PCDHGA9: variants seen among roughly 807,000 people sequenced by gnomAD.
The protein encoded by PCDHGA9 is protocadherin gamma subfamily A, 9.
PCDHGA9 carries 37 observed loss-of-function variants against 62.5 expected under a neutral mutation model. The observed-to-expected ratio is 0.59, with a 90% confidence interval of 0.46 to 0.78. The LOEUF (loss-of-function observed/expected upper bound fraction) is 0.78. PCDHGA9 is among the 30% of genes least tolerant of loss of function. PCDHGA9 has a pLI of 0.00. For missense variants in PCDHGA9, 1,138 were observed against 1,166.2 expected (o/e 0.98, Z 0.35); for synonymous variants, 459 against 484.6 (o/e 0.95, Z 0.69).
At chr5:141,424,945 C>A (rs2096849463) in intron 1 of PCDHGA9, among the ~76,000 whole-genome samples, 1 of 152,186 alleles carries the variant, frequency 6.6e-6, no homozygotes, top group Admixed American at 6.5e-5. Flanking sequence ...TCTCACATCA[C>A]TTCTAGGTAT....
rs765743251 is a variant in PCDHGA9 at position 141,476,488 on chromosome 5, G to A, written c.2425-18319G>A. ...TGGAGCTGTTCAGCGTGGAAGTGGTGATCCAGGACATCAACGACAACAATC... is the reference window on the plus strand; with the variant it reads ...TGGAGCTGTTCAGCGTGGAAGTGGTAATCCAGGACATCAACGACAACAATC... On this transcript the variant is annotated intron_variant, in intron 1 of 3. Coordinates refer to ENST00000573521, the MANE Select transcript of PCDHGA9 (RefSeq NM_018921.3). This position sits in a 1 kb window ranked among gnomAD's most constrained non-coding sequence, Gnocchi z 7.6. 4 of 1,613,932 alleles carry A rather than the reference G, an allele frequency of 2.5e-6. No homozygotes were observed. Among genetic ancestry groups the A allele is most frequent in the Non-Finnish European group, 3.4e-6 (4 of 1,180,016 alleles).
chr5:141,477,007 A>C lies in PCDHGA9; in HGVS notation c.2425-17800A>C, dbSNP rs891158982. The C allele has an allele frequency of 1.9e-6, 3 of 1,614,258 alleles. No individual in the cohort carries two copies. The Admixed American group carries it at 5.0e-5, about 27-fold the overall frequency. ...CCGGCGTGCGGCAACTATTCGCCTT[A>C]GACCTTGTAACCGGGATGCTGACAA... On this transcript the variant is annotated intron_variant, in intron 1 of 3. Coordinates refer to ENST00000573521, the MANE Select transcript of PCDHGA9 (RefSeq NM_018921.3). This position sits in a 1 kb window ranked among gnomAD's most constrained non-coding sequence, Gnocchi z 4.9.
chr5:141,405,459 A>G (rs553327050), intron 1 of PCDHGA9, 83 bp downstream of exon 1: 1 of 1,229,452 alleles, frequency 8.1e-7, no homozygotes, highest in African/African-American at 1.5e-5. Context: ...TTACTCTGTT[A>G]CCCAGGCTGG....
intron 1 of PCDHGA9, chr5:141,423,074 G>T (rs2096705802): frequency 6.2e-7 from 1 of 1,614,006 alleles, no homozygotes; most frequent in African/African-American, 1.3e-5. Flanking sequence ...AGCGAGCCGG[G>T]ACTCTTCGCG....
chr5:141,418,572 AC>A lies in PCDHGA9; in HGVS notation c.2424+13202del, dbSNP rs752316020. 8.1e-6 allele frequency: 13 copies of A among 1,613,794 alleles called. 1 individual carries two copies. The Admixed American group carries it at 1.8e-4, about 23-fold the overall frequency. ...ATCCTGGTAATAGATGCCAATGACA[AC>A]CCCCCAGTGTTCAGCCAGGACGTGT... On this transcript the variant is annotated intron_variant, in intron 1 of 3. Transcript: ENST00000573521.
chr5:141,433,054 G>A, intron 1 of PCDHGA9: 2 of 1,614,196 alleles, frequency 1.2e-6, no homozygotes, highest in Non-Finnish European at 1.7e-6. Context: ...ACTCGCGGAA[G>A]AGTCACCTGA....
At chr5:141,443,662 C>A (rs1427397469) in intron 1 of PCDHGA9, among the ~76,000 whole-genome samples, 2 of 152,178 alleles carry the variant, frequency 1.3e-5, no homozygotes, top group African/African-American at 4.8e-5. Context: ...TAGCATTTTA[C>A]TGAACTAGTA....
intron 1 of PCDHGA9, chr5:141,410,848 T>TA: frequency 1.9e-5 from 7 of 365,918 alleles, no homozygotes; most frequent in Non-Finnish European, 3.2e-5. Context: ...TTTGTCTTTG[T>TA]CTTTTTTTTT....
chr5:141,427,428 T>C (rs1489623330), intron 1 of PCDHGA9: 3 of 470,472 alleles, frequency 6.4e-6, no homozygotes, highest in Admixed American at 4.7e-5. Context: ...GGAGGTTACA[T>C]GCCTCATAAA....
In PCDHGA9 at chr5:141,405,379, G is replaced by T; in HGVS notation, c.2424+3G>T. On this transcript the variant is annotated splice_donor_region_variant and intron_variant, in intron 1 of 3. Transcript: ENST00000573521. ...TAGAAGACACCCCTTTGGTTCCGGT[G>T]AGTTCATTTTTTTTCTTTCTTTCTT... 1.2e-6 allele frequency: 2 copies of T among 1,606,832 alleles called. No homozygotes were observed. Among genetic ancestry groups the T allele is most frequent in the Non-Finnish European group, 1.7e-6 (2 of 1,177,632 alleles).
At chr5:141,459,703 T>G (rs2098973426) in intron 1 of PCDHGA9, among the ~76,000 whole-genome samples, 1 of 152,226 alleles carries the variant, frequency 6.6e-6, no homozygotes, top group African/African-American at 2.4e-5. Context: ...CTTGCTACAT[T>G]TTCTCACCAA....
chr5:141,443,207 C>T (rs907169095), intron 1 of PCDHGA9, among the ~76,000 whole-genome samples: 5 of 152,064 alleles, frequency 3.3e-5, no homozygotes, highest in African/African-American at 1.2e-4. Context: ...AAGAGCTTGT[C>T]TCGCCAGGCG....
intron 1 of PCDHGA9, among the ~76,000 whole-genome samples, chr5:141,430,213 A>G (rs892801149): frequency 6.6e-6 from 1 of 151,106 alleles, no homozygotes; most frequent in Non-Finnish European, 1.5e-5. Context: ...AAATTATTAT[A>G]TTATATGATT....
Position 141,491,726 on chromosome 5 carries a change from C to A in PCDHGA9, c.2425-3081C>A, listed in dbSNP as rs1018940432. ...GTGAGGGGCTCGGCGCCGCCCCGGG[C>A]GACCCCTGGGGGCGGCACTGGAGAA... On this transcript the variant is annotated intron_variant, in intron 1 of 3. Coordinates refer to ENST00000573521, the MANE Select transcript of PCDHGA9 (RefSeq NM_018921.3). This position sits in a 1 kb window ranked among gnomAD's most constrained non-coding sequence, Gnocchi z 6.9. 2.2e-5 allele frequency: 36 copies of A among 1,605,766 alleles called. No individual in the cohort carries two copies. Among genetic ancestry groups the A allele is most frequent in the African/African-American group, 4.0e-5 (3 of 74,588 alleles).
chr5:141,471,444 A>T (rs1366430114), intron 1 of PCDHGA9: 1 of 152,150 alleles, frequency 6.6e-6, no homozygotes, highest in Non-Finnish European at 1.5e-5. Flanking sequence ...AATCTCATGT[A>T]CCTTTTGAAA....
intron 2 of PCDHGA9, among the ~76,000 whole-genome samples, chr5:141,501,761 G>C (rs906778888): frequency 2.6e-5 from 4 of 152,090 alleles, no homozygotes; most frequent in African/African-American, 4.8e-5. Flanking sequence ...CTCAGTAAAT[G>C]GTTAAAAAAG....
intron 1 of PCDHGA9, chr5:141,420,003 T>C: frequency 6.2e-7 from 1 of 1,614,100 alleles, no homozygotes; most frequent in Non-Finnish European, 8.5e-7. Flanking sequence ...GCTCTACGCC[T>C]GCGACAGTCT....
At chr5:141,410,706 G>A in intron 1 of PCDHGA9, 1 of 1,454,410 alleles carries the variant, frequency 6.9e-7, no homozygotes, top group Non-Finnish European at 9.2e-7. Flanking sequence ...TTCATATCTA[G>A]AATCATATGT....
intron 2 of PCDHGA9, among the ~76,000 whole-genome samples, chr5:141,503,598 C>CA (rs765754054): frequency 0.15 from 9,705 of 65,252 alleles, 922 homozygotes; most frequent in African/African-American, 0.34. Context: ...GACTCCAGCT[C>CA]AAAAAAAAAA....
Sources: allele counts gnomAD v4.1 joint callset (sites outside exome capture counted in the v4.1 genomes callset), GRCh38; gene constraint gnomAD v4.1.1; non-coding constraint Gnocchi (gnomAD v3.1); transcripts MANE v1.5; gene names NCBI Gene and HGNC (gene_info 2026-07-23, HGNC 2026-07-21).